Variants in FLT1 observed in about 807,000 individuals in gnomAD.
FLT1 encodes vascular endothelial growth factor receptor 1.
A neutral mutation model predicts 156.3 loss-of-function variants in FLT1; 49 were observed. That is an observed-to-expected ratio of 0.31 (90% CI 0.25 to 0.40). The LOEUF (loss-of-function observed/expected upper bound fraction) is 0.40. Ranked by LOEUF, FLT1 falls within the 10% of genes least tolerant of loss-of-function variation. The pLI, the probability that FLT1 is intolerant of heterozygous loss-of-function variation, is 1.00. For missense variants in FLT1, 1,322 were observed against 1,637.2 expected (o/e 0.81, Z 3.32); for synonymous variants, 594 against 583.8 (o/e 1.02, Z -0.25).
intron 1 of FLT1, among the ~76,000 whole-genome samples, chr13:28,485,711 A>G (rs1045332525): frequency 1.3e-5 from 2 of 152,124 alleles, no homozygotes; most frequent in Admixed American, 1.3e-4. Flanking sequence ...TGACCAATAG[A>G]ATGTGGTAGA....
At chr13:28,326,638 GCCTCAGCCTC>G in intron 20 of FLT1, among the ~76,000 whole-genome samples, 1 of 147,406 alleles carries the variant, frequency 6.8e-6, no homozygotes, top group South Asian at 2.2e-4. Context: ...CGATTCTCCT[GCCTCAGCCTC>G]CCTAGTAGCT....
intron 14 of FLT1, among the ~76,000 whole-genome samples, chr13:28,373,907 C>A (rs1873731504): frequency 6.6e-6 from 1 of 152,124 alleles, no homozygotes; most frequent in Admixed American, 6.6e-5. Context: ...TGCCCCATTT[C>A]TTTTTCCCAG....
intron 1 of FLT1, among the ~76,000 whole-genome samples, chr13:28,489,032 T>C (rs1881332224): frequency 6.6e-6 from 1 of 152,176 alleles, no homozygotes; most frequent in Non-Finnish European, 1.5e-5. Context: ...ACTTCTGCAG[T>C]GACCAGAGCC....
At chr13:28,313,388 C>T (rs1038576494) in intron 25 of FLT1, among the ~76,000 whole-genome samples, 5 of 152,186 alleles carry the variant, frequency 3.3e-5, no homozygotes, top group Non-Finnish European at 2.9e-5. Flanking sequence ...GCCAGAGGTC[C>T]ATACACACAC....
chr13:28,452,833 A>T (rs1879026101), intron 3 of FLT1, among the ~76,000 whole-genome samples: 1 of 151,774 alleles, frequency 6.6e-6, no homozygotes, highest in Non-Finnish European at 1.5e-5. Flanking sequence ...TCACAACCCT[A>T]TGAGGCAGGC....
In FLT1 at chr13:28,322,756, T is replaced by C. The variant is rs1487427116; in HGVS notation, c.2953+34A>G. ...ATGCATAGTATGTTGTAAAAATATC[T>C]CAGCGCGTAGGACAGGAAGGAATTA... is the stretch of plus-strand genomic sequence containing the variant. On this transcript the variant is annotated intron_variant, in intron 21 of 29. Coordinates refer to ENST00000282397, the MANE Select transcript of FLT1 (RefSeq NM_002019.4). The surrounding 1 kb of genome is among the most constrained non-coding windows in gnomAD (Gnocchi z 4.3). The C allele has an allele frequency of 6.2e-7, 1 of 1,605,354 alleles. No homozygotes were observed. The highest frequency in any genetic ancestry group is 1.3e-5 in the African/African-American group (1 of 74,736).
At chr13:28,417,706 T>C (rs1876741168) in intron 10 of FLT1, among the ~76,000 whole-genome samples, 4 of 151,694 alleles carry the variant, frequency 2.6e-5, no homozygotes, top group Admixed American at 2.6e-4. Flanking sequence ...CCTGCTATGT[T>C]GCCCAGGGCT....
Position 28,478,689 on chromosome 13 carries a change from C to T in FLT1, c.65-11072G>A, listed in dbSNP as rs78425531. ...GCTGTAATGTGATGCTGTTAAACTACCATAAAATGCATATTGTTCCAGTTT... is the reference window on the plus strand; with the variant it reads ...GCTGTAATGTGATGCTGTTAAACTATCATAAAATGCATATTGTTCCAGTTT... On this transcript the variant is annotated intron_variant, in intron 1 of 29. Coordinates refer to ENST00000282397, the MANE Select transcript of FLT1 (RefSeq NM_002019.4). Among the ~76,000 whole-genome samples, 798 of 152,248 alleles carry T rather than the reference C, an allele frequency of 5.2e-3. 9 individuals carry two copies. Among genetic ancestry groups the T allele is most frequent in the African/African-American group, 0.018 (767 of 41,544 alleles).
intron 1 of FLT1, among the ~76,000 whole-genome samples, chr13:28,469,337 G>A (rs1880022479): frequency 6.6e-6 from 1 of 152,238 alleles, no homozygotes. Flanking sequence ...TGATGTGTGT[G>A]TCAAATACCC....
chr13:28,448,835 C>T (rs1485626830), intron 3 of FLT1, among the ~76,000 whole-genome samples: 2 of 152,134 alleles, frequency 1.3e-5, no homozygotes, highest in Non-Finnish European at 2.9e-5. Context: ...CCTGAGCTGG[C>T]TGAGCTGGAA....
At chr13:28,373,103 AC>A (rs1873695238) in intron 14 of FLT1, among the ~76,000 whole-genome samples, 1 of 152,238 alleles carries the variant, frequency 6.6e-6, no homozygotes, top group Non-Finnish European at 1.5e-5. Flanking sequence ...ATGACAATTT[AC>A]AATTTTAGAT....
intron 15 of FLT1, among the ~76,000 whole-genome samples, chr13:28,348,072 A>C (rs543963005): frequency 6.6e-6 from 1 of 152,256 alleles, no homozygotes; most frequent in South Asian, 2.1e-4. Context: ...GTGGAAACTG[A>C]TATTTTCTCT....
At chr13:28,433,210 T>G (rs1391831947) in intron 6 of FLT1, among the ~76,000 whole-genome samples, 2 of 152,218 alleles carry the variant, frequency 1.3e-5, no homozygotes, top group Non-Finnish European at 2.9e-5. Context: ...AGTTTCCCCA[T>G]CTATACATTT....
chr13:28,486,911 C>T (rs1024852194), intron 1 of FLT1, among the ~76,000 whole-genome samples: 1 of 152,198 alleles, frequency 6.6e-6, no homozygotes, highest in African/African-American at 2.4e-5. Context: ...GGCAGAGGTT[C>T]TCAAAGTGTG....
Position 28,430,380 on chromosome 13 carries a change from C to A in FLT1, c.989-213G>T, listed in dbSNP as rs112575855. Among the ~76,000 whole-genome samples, 865 of 152,260 alleles carry A rather than the reference C, an allele frequency of 5.7e-3. 15 individuals carry two copies. Among genetic ancestry groups the A allele is most frequent in the African/African-American group, 0.02 (825 of 41,562 alleles). On this transcript the variant is annotated intron_variant, in intron 7 of 29. Coordinates refer to ENST00000282397, the MANE Select transcript of FLT1 (RefSeq NM_002019.4). ...CTTTCAAATCAAATGGTATCACGTC[C>A]TAGCCACATAAAACAGTGGCAGAGC... is the stretch of plus-strand genomic sequence containing the variant.
intron 13 of FLT1, chr13:28,387,509 A>T: frequency 9.4e-7 from 1 of 1,061,372 alleles, no homozygotes; most frequent in Non-Finnish European, 1.1e-6. Flanking sequence ...ATTAACAGAC[A>T]TTTCTGCTGG....
intron 16 of FLT1, among the ~76,000 whole-genome samples, chr13:28,340,830 G>A (rs1350468578): frequency 6.6e-6 from 1 of 152,082 alleles, no homozygotes; most frequent in East Asian, 1.9e-4. Context: ...CCTCCATAAA[G>A]GATGAGAAGC....
In FLT1 at chr13:28,357,573, T is replaced by G. The variant is rs373678677; in HGVS notation, c.2229A>C (p.Ser743=). 14 of 1,614,182 alleles carry G rather than the reference T, an allele frequency of 8.7e-6. No homozygotes were observed. In the East Asian group the frequency reaches 2.7e-4, roughly 31 times the overall value. Residue 743 remains serine (S), a synonymous_variant, in exon 15 of 30, where the codon TCA becomes TCC. Transcript: ENST00000282397. ...GTTTACCTTGAACAGTGAGGTATGCTGAACTTTCCACAGAGCCCTTCTGGT... is the reference window on the plus strand; with the variant it reads ...GTTTACCTTGAACAGTGAGGTATGCGGAACTTTCCACAGAGCCCTTCTGGT... The part of the protein sequence containing the change: ...ATNQKGSVES[S]AYLTVQGTSD...
chr13:28,301,300 C>CA lies in FLT1; in HGVS notation c.*1866dup, dbSNP rs950337676. On this transcript the variant is annotated 3_prime_UTR_variant, in exon 30 of 30. Transcript: ENST00000282397. ...TTGCGTATGTAAAGAAGAGGAAGAA[C>CA]AAAGATTTGTCCTCTCTTCTGGCTC... 4.3e-6 allele frequency: 1 copy of CA among 232,530 alleles called. No homozygotes were observed. The highest frequency in any genetic ancestry group is 8.5e-6 in the Non-Finnish European group (1 of 117,876). The allele number at this position is 232,530 out of a possible 1,614,324, so 14.4% of individuals were successfully genotyped here. A position where few individuals can be genotyped will look rare whatever the true frequency, so the allele number is the denominator to read the frequency against.
Sources: allele counts gnomAD v4.1 joint callset (sites outside exome capture counted in the v4.1 genomes callset), GRCh38; gene constraint gnomAD v4.1.1; non-coding constraint Gnocchi (gnomAD v3.1); transcripts MANE v1.5; gene names NCBI Gene and HGNC (gene_info 2026-07-23, HGNC 2026-07-21).